Variants in PCDHA1 observed in about 807,000 individuals in gnomAD.
PCDHA1 encodes the protein protocadherin alpha-1.
Under a neutral mutation model 61.3 loss-of-function variants are expected in PCDHA1, and 42 were observed. The ratio of observed to expected loss-of-function variants is 0.69; its 90% CI spans 0.54 to 0.89. The LOEUF is 0.89. Among genes scored for constraint, PCDHA1 ranks in the 40% least tolerant of loss-of-function variants. PCDHA1 has a pLI of 0.00. For synonymous variants in PCDHA1, 610 were observed against 553.8 expected, an observed-to-expected ratio of 1.10 and a Z score of -1.43; for missense variants, 1,256 against 1,235.3, an observed-to-expected ratio of 1.02 and a Z score of -0.25.
chr5:140,855,277 C>T (rs1581364290), intron 1 of PCDHA1, among the ~76,000 whole-genome samples: 2 of 149,744 alleles, frequency 1.3e-5, no homozygotes, highest in Middle Eastern at 3.4e-3. Context: ...ACTCAACCAC[C>T]GTATTACTAT....
At chr5:140,927,668 A>T in intron 1 of PCDHA1, 1 of 1,614,208 alleles carries the variant, frequency 6.2e-7, no homozygotes, top group Non-Finnish European at 8.5e-7. Flanking sequence ...CAAGCCTTGG[A>T]TCCAGATGAA....
intron 1 of PCDHA1, chr5:140,836,178 G>C (rs2150254808): frequency 6.2e-7 from 1 of 1,613,826 alleles, no homozygotes. Flanking sequence ...TGCAGTTGAC[G>C]CTGACTCAGG....
At position 140,849,784 on chromosome 5, in the gene PCDHA1, G is replaced by A. The variant is rs2150449940; in HGVS notation, c.2394+61100G>A. The A allele has an allele frequency of 3.8e-6, 6 of 1,598,104 alleles. No homozygotes were observed. The East Asian group carries it at 1.3e-4, about 36-fold the overall frequency. ...GAGCTGGTGGTTACCGCGCGGGACG[G>A]GGGCTCGCCTTCACTGTGGGCCACG... On this transcript the variant is annotated intron_variant, in intron 1 of 3. Coordinates refer to ENST00000504120, the MANE Select transcript of PCDHA1 (RefSeq NM_018900.4).
At chr5:140,870,568 G>T (rs1554164428) in intron 1 of PCDHA1, 2 of 1,613,870 alleles carry the variant, frequency 1.2e-6, no homozygotes, top group African/African-American at 1.3e-5. Context: ...GAACGCGCTG[G>T]TGTCCTACTC....
In PCDHA1 at chr5:140,842,845, T is replaced by G. The variant is rs2150346151; in HGVS notation, c.2394+54161T>G. The G allele has an allele frequency of 0.012, 19,312 of 1,593,596 alleles. 3,039 individuals are homozygous for G. In the African/African-American group the frequency reaches 0.23, roughly 19 times the overall value. On this transcript the variant is annotated intron_variant, in intron 1 of 3. Transcript: ENST00000504120. Reference sequence around the variant, plus strand: ...GCGAGCGCTCGCTGTCGAGCTACATTTCGGTGCACACGGAGAGCGGCAAGG... The same window carrying G: ...GCGAGCGCTCGCTGTCGAGCTACATGTCGGTGCACACGGAGAGCGGCAAGG...
intron 1 of PCDHA1, chr5:140,795,861 A>C (rs781952003): frequency 1.2e-6 from 2 of 1,613,958 alleles, no homozygotes; most frequent in Non-Finnish European, 1.7e-6. Flanking sequence ...ATCCCATCTC[A>C]GGGGAAATCA....
At chr5:140,884,104 G>A in intron 1 of PCDHA1, 3 of 1,613,464 alleles carry the variant, frequency 1.9e-6, no homozygotes, top group African/African-American at 1.3e-5. Flanking sequence ...ATGAATTGCA[G>A]CTGGCGGCGG....
At position 140,953,768 on chromosome 5, in the gene PCDHA1, A is replaced by G. The variant is rs146090592; in HGVS notation, c.2395-25181A>G. Among the ~76,000 whole-genome samples, 15 of 152,248 alleles carry G rather than the reference A, an allele frequency of 9.9e-5. No homozygotes were observed. In the East Asian group the frequency reaches 2.7e-3, roughly 27 times the overall value. The stretch of plus-strand genomic sequence containing the variant: ...TACATTTATCCAAGAATTAAATTTA[A>G]TATTTATTTATTTTTTTCTTCAACT... On this transcript the variant is annotated intron_variant, in intron 1 of 3. Coordinates refer to ENST00000504120, the MANE Select transcript of PCDHA1 (RefSeq NM_018900.4).
intron 1 of PCDHA1, chr5:140,828,633 A>T (rs1221844247): frequency 6.2e-7 from 1 of 1,614,094 alleles, no homozygotes; most frequent in Non-Finnish European, 8.5e-7. Context: ...TTCGGGCTAG[A>T]TGTGAAAATA....
chr5:140,891,344 T>C (rs952306829), intron 1 of PCDHA1, among the ~76,000 whole-genome samples: 2 of 152,166 alleles, frequency 1.3e-5, no homozygotes, highest in East Asian at 1.9e-4. Flanking sequence ...GAGATTTTGG[T>C]GCATCCATCA....
rs979749308 is a variant in PCDHA1 at position 140,800,854 on chromosome 5, G to C, written c.2394+12170G>C. 3 of 228,514 alleles carry C rather than the reference G, an allele frequency of 1.3e-5. No individual in the cohort carries two copies. The East Asian group carries it at 3.2e-4, about 24-fold the overall frequency. 14.2% of individuals were successfully genotyped at this position (228,514 alleles called of 1,614,324 possible). A position where few individuals can be genotyped will look rare whatever the true frequency, so the allele number is the denominator to read the frequency against. Reference sequence around the variant, plus strand: ...CAATTGATAGTGAATTAGTATAAAAGTTCTAAGGAAATATTTAGATAAAAT... The same window carrying C: ...CAATTGATAGTGAATTAGTATAAAACTTCTAAGGAAATATTTAGATAAAAT... On this transcript the variant is annotated intron_variant, in intron 1 of 3. Transcript: ENST00000504120.
At chr5:140,798,632 T>C (rs781800468) in intron 1 of PCDHA1, among the ~76,000 whole-genome samples, 2 of 152,216 alleles carry the variant, frequency 1.3e-5, no homozygotes, top group Non-Finnish European at 2.9e-5. Flanking sequence ...TTTCCATTAA[T>C]GTGAGCTCAC....
In PCDHA1 at chr5:140,863,500, T is replaced by C. The variant is rs536977258; in HGVS notation, c.2394+74816T>C. On this transcript the variant is annotated intron_variant, in intron 1 of 3. Coordinates refer to ENST00000504120, the MANE Select transcript of PCDHA1 (RefSeq NM_018900.4). ...CCTCCCAAGGTCAACATTACGGCTT[T>C]TAGTCCTAGTGTTCTCCCATGGTTC... 36 of 432,458 alleles carry C rather than the reference T, an allele frequency of 8.3e-5. 2 individuals are homozygous for C. Among genetic ancestry groups the C allele is most frequent in the South Asian group, 5.0e-4 (28 of 55,804 alleles). 26.8% of individuals were successfully genotyped at this position (432,458 alleles called of 1,614,324 possible).
Position 140,834,289 on chromosome 5 carries a change from T to C in PCDHA1, c.2394+45605T>C, listed in dbSNP as rs191856620. Reference sequence around the variant, plus strand: ...CTTTCACTCTTTGGATGCACAACAATGGCCACACATCGAGATTGAAATGAA... The same window carrying C: ...CTTTCACTCTTTGGATGCACAACAACGGCCACACATCGAGATTGAAATGAA... On this transcript the variant is annotated intron_variant, in intron 1 of 3. Coordinates refer to ENST00000504120, the MANE Select transcript of PCDHA1 (RefSeq NM_018900.4). 3.2e-4 allele frequency: 379 copies of C among 1,186,074 alleles called. 1 individual carries two copies. Among genetic ancestry groups the C allele is most frequent in the Non-Finnish European group, 1.5e-4 (124 of 833,276 alleles). The allele number at this position is 1,186,074 out of a possible 1,614,324, so 73.5% of individuals were successfully genotyped here.
At chr5:140,928,652 A>T in intron 1 of PCDHA1, 1 of 1,614,188 alleles carries the variant, frequency 6.2e-7, no homozygotes, top group Non-Finnish European at 8.5e-7. Context: ...GTAGCAGAGG[A>T]TGCTGACAGT....
In PCDHA1 at chr5:140,973,293, A is replaced by G. The variant is rs150966135; in HGVS notation, c.2395-5656A>G. Among the ~76,000 whole-genome samples, 103 of 152,230 alleles carry G rather than the reference A, an allele frequency of 6.8e-4. No homozygotes were observed. The East Asian group carries it at 0.019, about 27-fold the overall frequency. On this transcript the variant is annotated intron_variant, in intron 1 of 3. Transcript: ENST00000504120. ...TATTTCCCCCAGCACTGATTTTTCT[A>G]TCTGATGACTCTATCCTGGAACAGA...
intron 2 of PCDHA1, among the ~76,000 whole-genome samples, chr5:140,981,149 G>T (rs2096919822): frequency 6.6e-6 from 1 of 152,202 alleles, no homozygotes; most frequent in South Asian, 2.1e-4. Flanking sequence ...AGAAAACATT[G>T]AACTTATATG....
At chr5:140,892,350 T>C (rs1195187313) in intron 1 of PCDHA1, among the ~76,000 whole-genome samples, 1 of 152,262 alleles carries the variant, frequency 6.6e-6, no homozygotes, top group Non-Finnish European at 1.5e-5. Context: ...AATTGACTTT[T>C]GCCAGGCATC....
intron 1 of PCDHA1, among the ~76,000 whole-genome samples, chr5:140,941,150 G>A (rs894422349): frequency 1.1e-4 from 17 of 151,436 alleles, no homozygotes; most frequent in Non-Finnish European, 1.8e-4. Context: ...TAGTTTGGAG[G>A]CCCCATAAGA....
Sources: gnomAD v4.1 joint callset for allele counts (sites outside exome capture counted in the v4.1 genomes callset) on GRCh38, gnomAD v4.1.1 for gene constraint, MANE v1.5 for transcripts, NCBI Gene and HGNC (gene_info 2026-07-23, HGNC 2026-07-21) for gene names.